Variants in AGBL4 observed in about 807,000 individuals in gnomAD.
AGBL4 encodes cytosolic carboxypeptidase 6.
Under a neutral mutation model 66.4 loss-of-function variants are expected in AGBL4, and 58 were observed. That is an observed-to-expected ratio of 0.87 (90% CI 0.71 to 1.09). AGBL4 has a LOEUF of 1.09. Ranked by LOEUF, AGBL4 falls within the 50% of genes least tolerant of loss-of-function variation. AGBL4 has a pLI of 0.00. For missense variants in AGBL4, 579 were observed against 631.0 expected, an observed-to-expected ratio of 0.92 and a Z score of 0.88; for synonymous variants, 234 against 222.9, an observed-to-expected ratio of 1.05 and a Z score of -0.44.
intron 1 of AGBL4, among the ~76,000 whole-genome samples, chr1:49,968,550 T>C (rs1453390560): frequency 6.6e-6 from 1 of 152,220 alleles, no homozygotes; most frequent in Non-Finnish European, 1.5e-5. Context: ...TTTTACCTTC[T>C]TTCTTAATGT....
At chr1:49,505,554 C>T (rs1648603823) in intron 3 of AGBL4, among the ~76,000 whole-genome samples, 1 of 151,956 alleles carries the variant, frequency 6.6e-6, no homozygotes, top group Non-Finnish European at 1.5e-5. Flanking sequence ...TATCATCCTA[C>T]TCTTTTCTGG....
chr1:49,813,408 G>A (rs149727560), intron 2 of AGBL4, among the ~76,000 whole-genome samples: 8 of 152,144 alleles, frequency 5.3e-5, no homozygotes, highest in East Asian at 3.9e-4. Flanking sequence ...CTGCAAAGAC[G>A]TATTAATTGC....
intron 3 of AGBL4, among the ~76,000 whole-genome samples, chr1:49,285,692 A>C (rs1644388430): frequency 6.6e-6 from 1 of 152,218 alleles, no homozygotes; most frequent in African/African-American, 2.4e-5. Context: ...AGGGGATATC[A>C]CCACCAATCC....
chr1:49,643,618 T>C (rs747111193), intron 3 of AGBL4, among the ~76,000 whole-genome samples: 1 of 151,626 alleles, frequency 6.6e-6, no homozygotes, highest in Non-Finnish European at 1.5e-5. Context: ...GTAACAAATT[T>C]AAGAATGAAA....
intron 1 of AGBL4, among the ~76,000 whole-genome samples, chr1:49,935,414 CAAACAA>C (rs1653873224): frequency 6.6e-6 from 1 of 152,200 alleles, no homozygotes; most frequent in East Asian, 1.9e-4. Context: ...AGGGCACAGA[CAAACAA>C]AAAGACAGCA....
At chr1:48,778,432 T>C (rs1284874917) in intron 6 of AGBL4, among the ~76,000 whole-genome samples, 2 of 152,080 alleles carry the variant, frequency 1.3e-5, no homozygotes, top group Non-Finnish European at 2.9e-5. Flanking sequence ...AGTCTAGGAG[T>C]ATTAAAGAAG....
chr1:49,277,239 C>A (rs997115812), intron 3 of AGBL4, among the ~76,000 whole-genome samples: 2 of 151,950 alleles, frequency 1.3e-5, no homozygotes, highest in Non-Finnish European at 2.9e-5. Context: ...TTTAATGTAC[C>A]ATTTGAATTT....
At chr1:49,790,150 G>A (rs1020764653) in intron 2 of AGBL4, among the ~76,000 whole-genome samples, 10 of 152,150 alleles carry the variant, frequency 6.6e-5, no homozygotes, top group East Asian at 1.9e-4. Context: ...AGGCCAAGGC[G>A]GGTGGATCAC....
chr1:48,919,850 G>T (rs1431290053), intron 5 of AGBL4, among the ~76,000 whole-genome samples: 1 of 152,186 alleles, frequency 6.6e-6, no homozygotes, highest in Non-Finnish European at 1.5e-5. Context: ...AACAACATAA[G>T]GGATCTCACT....
At chr1:49,526,177 A>G (rs887291706) in intron 3 of AGBL4, among the ~76,000 whole-genome samples, 1 of 152,194 alleles carries the variant, frequency 6.6e-6, no homozygotes, top group South Asian at 2.1e-4. Flanking sequence ...CTGGATGAAC[A>G]AATAGGCTTT....
chr1:48,871,859 C>G (rs1308392966), intron 5 of AGBL4, among the ~76,000 whole-genome samples: 1 of 152,096 alleles, frequency 6.6e-6, no homozygotes, highest in Non-Finnish European at 1.5e-5. Context: ...AGTACCATGT[C>G]ACCCCACCTC....
chr1:49,726,232 ATATGT>A (rs1481783156), intron 2 of AGBL4, among the ~76,000 whole-genome samples: 4 of 152,172 alleles, frequency 2.6e-5, no homozygotes. Flanking sequence ...AAAATCACAG[ATATGT>A]TAACTAGAAT....
intron 3 of AGBL4, among the ~76,000 whole-genome samples, chr1:49,522,820 A>G (rs531509639): frequency 6.6e-6 from 1 of 152,192 alleles, no homozygotes; most frequent in African/African-American, 2.4e-5. Context: ...ATGAGCACGG[A>G]TCAGGTATCA....
At chr1:49,281,068 C>A (rs866325521) in intron 3 of AGBL4, among the ~76,000 whole-genome samples, 3 of 152,108 alleles carry the variant, frequency 2.0e-5, no homozygotes, top group African/African-American at 7.2e-5. Flanking sequence ...CACATTATTT[C>A]TAATCCTCAA....
At chr1:49,523,284 T>C (rs374071151) in intron 3 of AGBL4, among the ~76,000 whole-genome samples, 8 of 152,038 alleles carry the variant, frequency 5.3e-5, no homozygotes, top group Non-Finnish European at 1.2e-4. Context: ...AATAGGCACA[T>C]GATTGAAAAT....
chr1:49,803,662 C>A (rs1051259003), intron 2 of AGBL4, among the ~76,000 whole-genome samples: 1 of 152,110 alleles, frequency 6.6e-6, no homozygotes, highest in Non-Finnish European at 1.5e-5. Context: ...AATGATGATT[C>A]TGATAACCTG....
chr1:48,776,700 C>T (rs1199293547), intron 6 of AGBL4: 3 of 1,518,480 alleles, frequency 2.0e-6, no homozygotes, highest in East Asian at 5.4e-5. Context: ...CCAATTCCTC[C>T]GGGCCCCGGT....
At chr1:49,781,322 A>G (rs939509785) in intron 2 of AGBL4, among the ~76,000 whole-genome samples, 16 of 152,116 alleles carry the variant, frequency 1.1e-4, no homozygotes, top group East Asian at 3.9e-4. Flanking sequence ...TGAGCCTAGG[A>G]GCTTGAGGTT....
intron 3 of AGBL4, among the ~76,000 whole-genome samples, chr1:49,625,564 C>A (rs1203925325): frequency 6.6e-6 from 1 of 152,160 alleles, no homozygotes; most frequent in Non-Finnish European, 1.5e-5. Context: ...CCTGGGGAGG[C>A]TCCCATAGGA....
Sources: allele counts gnomAD v4.1 joint callset (sites outside exome capture counted in the v4.1 genomes callset), GRCh38; gene constraint gnomAD v4.1.1; transcripts MANE v1.5; gene names NCBI Gene and HGNC (gene_info 2026-07-23, HGNC 2026-07-21).